SLC10A7: variants seen among roughly 807,000 people sequenced by gnomAD.
SLC10A7 encodes sodium/bile acid cotransporter 7.
SLC10A7 carries 29 observed loss-of-function variants against 43.2 expected under a neutral mutation model. That is an observed-to-expected ratio of 0.67 (90% CI 0.50 to 0.92). SLC10A7 has a LOEUF of 0.92. Ranked by LOEUF, SLC10A7 falls within the 40% of genes least tolerant of loss-of-function variation. The pLI, the probability that SLC10A7 is intolerant of heterozygous loss-of-function variation, is 0.00. For missense variants in SLC10A7, 295 were observed against 403.2 expected (o/e 0.73, Z 2.30); for synonymous variants, 152 against 144.8 (o/e 1.05, Z -0.35).
intron 5 of SLC10A7, among the ~76,000 whole-genome samples, chr4:146,354,016 T>C (rs1415144117): frequency 6.8e-6 from 1 of 147,576 alleles, no homozygotes; most frequent in Non-Finnish European, 1.5e-5. Context: ...CTATTCAACA[T>C]AGTGTTGGAA....
intron 10 of SLC10A7, among the ~76,000 whole-genome samples, chr4:146,261,716 T>G (rs1297167671): frequency 6.6e-6 from 1 of 152,220 alleles, no homozygotes. Context: ...TTGCTAGTCA[T>G]TAATCAAATT....
At chr4:146,315,256 C>A (rs1050851584) in intron 6 of SLC10A7, among the ~76,000 whole-genome samples, 1 of 152,110 alleles carries the variant, frequency 6.6e-6, no homozygotes, top group Non-Finnish European at 1.5e-5. Context: ...TCAGCCCTAT[C>A]GCCTCTTCAT....
At position 146,492,363 on chromosome 4, in the gene SLC10A7, GTTTC is replaced by G. The variant is rs760468832; in HGVS notation, c.396+11482_396+11485del. ...GCCTATACAATGTCCATGTTTCTTT[GTTTC>G]TTTCTTTCTATTTTTTTTAAGATAG... On this transcript the variant is annotated intron_variant, in intron 4 of 11. Coordinates refer to ENST00000335472, the MANE Select transcript of SLC10A7 (RefSeq NM_001029998.6). 7.9e-4 allele frequency among the ~76,000 whole-genome samples: 120 copies of G among 152,086 alleles called. 2 individuals are homozygous for G. In the Middle Eastern group the frequency reaches 0.01, roughly 13 times the overall value.
chr4:146,264,186 C>A (rs1043013521), intron 10 of SLC10A7, among the ~76,000 whole-genome samples: 3 of 152,126 alleles, frequency 2.0e-5, no homozygotes, highest in Admixed American at 2.0e-4. Flanking sequence ...TGTACAAGAA[C>A]AAGTTTTTTT....
At chr4:146,488,693 T>C (rs569800769) in intron 4 of SLC10A7, among the ~76,000 whole-genome samples, 3 of 152,204 alleles carry the variant, frequency 2.0e-5, no homozygotes, top group Admixed American at 6.5e-5. Flanking sequence ...ATGCCAGCTA[T>C]TGTGGGGGTT....
chr4:146,502,920 G>A (rs1463587118), intron 4 of SLC10A7, among the ~76,000 whole-genome samples: 3 of 152,136 alleles, frequency 2.0e-5, no homozygotes, highest in African/African-American at 7.2e-5. Context: ...AACTCTTTGA[G>A]GGTGTATATA....
At chr4:146,450,059 T>C (rs1011785408) in intron 4 of SLC10A7, among the ~76,000 whole-genome samples, 1 of 151,972 alleles carries the variant, frequency 6.6e-6, no homozygotes, top group African/African-American at 2.4e-5. Context: ...AAAAATATTA[T>C]AATAACAACA....
chr4:146,276,330 T>C (rs1368320117), intron 10 of SLC10A7, among the ~76,000 whole-genome samples: 2 of 152,170 alleles, frequency 1.3e-5, no homozygotes, highest in Non-Finnish European at 2.9e-5. Context: ...AGTGAAAATT[T>C]TCTGTTAGAG....
intron 4 of SLC10A7, among the ~76,000 whole-genome samples, chr4:146,490,577 G>T (rs933341409): frequency 6.6e-6 from 1 of 152,114 alleles, no homozygotes; most frequent in Non-Finnish European, 1.5e-5. Context: ...TGAACTTAAG[G>T]CAACTATAGT....
intron 5 of SLC10A7, among the ~76,000 whole-genome samples, chr4:146,383,148 TA>T (rs1200104276): frequency 6.6e-6 from 1 of 152,110 alleles, no homozygotes; most frequent in African/African-American, 2.4e-5. Context: ...TAGACCAGAT[TA>T]GGTTGTTCAA....
intron 5 of SLC10A7, among the ~76,000 whole-genome samples, chr4:146,345,624 T>C (rs920768452): frequency 2.0e-5 from 3 of 152,134 alleles, no homozygotes; most frequent in African/African-American, 7.2e-5. Flanking sequence ...TATGGCACTA[T>C]AGATCTGCTT....
At chr4:146,403,908 G>A (rs1739390911) in intron 5 of SLC10A7, among the ~76,000 whole-genome samples, 1 of 152,184 alleles carries the variant, frequency 6.6e-6, no homozygotes, top group African/African-American at 2.4e-5. Context: ...CCAAGTCCAT[G>A]ATGGCTTTGA....
intron 6 of SLC10A7, among the ~76,000 whole-genome samples, chr4:146,318,074 A>G (rs1476767003): frequency 6.6e-6 from 1 of 151,982 alleles, no homozygotes; most frequent in Non-Finnish European, 1.5e-5. Flanking sequence ...TTTCTGTATC[A>G]GTTTTTCTCT....
rs183481153 is a variant in SLC10A7 at position 146,344,385 on chromosome 4, G to A, written c.436-18389C>T. On this transcript the variant is annotated intron_variant, in intron 5 of 11. Transcript: ENST00000335472. ...GTTCAAACAGATACACGGAAGAAGC[G>A]GTGAAAAGCAGAACTAGGTTAGAGC... Among the ~76,000 whole-genome samples the A allele has an allele frequency of 1.3e-5, 2 of 151,962 alleles. 1 individual carries two copies. The highest frequency in any genetic ancestry group is 4.1e-4 in the South Asian group (2 of 4,826).
chr4:146,288,017 C>A (rs922230758), intron 9 of SLC10A7, among the ~76,000 whole-genome samples: 6 of 152,176 alleles, frequency 3.9e-5, no homozygotes, highest in Admixed American at 6.5e-5. Context: ...TTGCAAGATA[C>A]GCTTACTTGT....
At chr4:146,419,061 GCC>G (rs747346352) in intron 5 of SLC10A7, among the ~76,000 whole-genome samples, 182 of 152,322 alleles carry the variant, frequency 1.2e-3, no homozygotes, top group Non-Finnish European at 2.0e-3. Flanking sequence ...GAGCTTCCAT[GCC>G]CTCTCCAGGG....
At chr4:146,284,278 T>C (rs1729739187) in intron 9 of SLC10A7, among the ~76,000 whole-genome samples, 1 of 152,176 alleles carries the variant, frequency 6.6e-6, no homozygotes, top group South Asian at 2.1e-4. Context: ...CAGTTGCAGA[T>C]ATAACAATGT....
At position 146,456,378 on chromosome 4, in the gene SLC10A7, C is replaced by T. The variant is rs545445005; in HGVS notation, c.397-13557G>A. Among the ~76,000 whole-genome samples, 89 of 151,966 alleles carry T rather than the reference C, an allele frequency of 5.9e-4. No individual in the cohort carries two copies. In the South Asian group the frequency reaches 0.013, roughly 22 times the overall value. ...TGGAATACAATTCTGGTGTTAACCACCTAGAATTAGTGTCAAACTCCACAA... is the reference window on the plus strand; with the variant it reads ...TGGAATACAATTCTGGTGTTAACCATCTAGAATTAGTGTCAAACTCCACAA... On this transcript the variant is annotated intron_variant, in intron 4 of 11. Coordinates refer to ENST00000335472, the MANE Select transcript of SLC10A7 (RefSeq NM_001029998.6).
chr4:146,313,264 T>C (rs1447208435), intron 6 of SLC10A7, among the ~76,000 whole-genome samples: 1 of 152,158 alleles, frequency 6.6e-6, no homozygotes, highest in Non-Finnish European at 1.5e-5. Flanking sequence ...ATCCCATGTC[T>C]CCAGCTCACT....
Sources: gnomAD v4.1 joint callset for allele counts (sites outside exome capture counted in the v4.1 genomes callset) on GRCh38, gnomAD v4.1.1 for gene constraint, MANE v1.5 for transcripts, NCBI Gene and HGNC (gene_info 2026-07-23, HGNC 2026-07-21) for gene names.